Variants in SPECC1L observed in about 807,000 individuals in gnomAD.
SPECC1L encodes the protein sperm antigen with calponin homology and coiled-coil domains 1 like.
Under a neutral mutation model 116.8 loss-of-function variants are expected in SPECC1L, and 40 were observed. That is an observed-to-expected ratio of 0.34 (90% CI 0.27 to 0.45). SPECC1L has a LOEUF of 0.45. Among genes scored for constraint, SPECC1L ranks in the 20% least tolerant of loss-of-function variants. The pLI, the probability that SPECC1L is intolerant of heterozygous loss-of-function variation, is 1.00. For missense variants in SPECC1L, 1,110 were observed against 1,373.6 expected (o/e 0.81, Z 3.03); for synonymous variants, 504 against 500.6 (o/e 1.01, Z -0.09).
intron 14 of SPECC1L, among the ~76,000 whole-genome samples, chr22:24,374,696 G>A (rs1350724323): frequency 6.6e-6 from 1 of 151,274 alleles, no homozygotes; most frequent in Non-Finnish European, 1.5e-5. Flanking sequence ...GATGGGTGCA[G>A]CACACCAACA....
rs372893689 is a variant in SPECC1L, at chr22:24,304,505, T to C, written c.153+2121T>C. On this transcript the variant is annotated intron_variant, in intron 3 of 16. Coordinates refer to ENST00000314328, the MANE Select transcript of SPECC1L (RefSeq NM_015330.6). ...TCTGTCAGGAGCTGTGTCATTGGGCTTGCAGCCTTTGTATGCTTAATTCTC... is the reference window on the plus strand; with the variant it reads ...TCTGTCAGGAGCTGTGTCATTGGGCCTGCAGCCTTTGTATGCTTAATTCTC... 2.6e-5 allele frequency: 4 copies of C among 152,406 alleles called. No homozygotes were observed. In the East Asian group the frequency reaches 7.7e-4, roughly 29 times the overall value. 9.4% of individuals were successfully genotyped at this position (152,406 alleles called of 1,614,324 possible). A position where few individuals can be genotyped will look rare whatever the true frequency, so the allele number is the denominator to read the frequency against.
intron 2 of SPECC1L, among the ~76,000 whole-genome samples, chr22:24,295,131 GT>G (rs1231495524): frequency 6.6e-6 from 1 of 150,806 alleles, no homozygotes; most frequent in African/African-American, 2.5e-5. Context: ...TGTGAACCCT[GT>G]CCTGAGGAGC....
At chr22:24,396,455 G>A (rs548271350) in intron 14 of SPECC1L, among the ~76,000 whole-genome samples, 4 of 151,958 alleles carry the variant, frequency 2.6e-5, no homozygotes, top group East Asian at 1.9e-4. Context: ...CTGCCACCAC[G>A]CCCAGCTAAT....
At chr22:24,314,931 A>G (rs2040531811) in intron 4 of SPECC1L, among the ~76,000 whole-genome samples, 1 of 152,232 alleles carries the variant, frequency 6.6e-6, no homozygotes, top group African/African-American at 2.4e-5. Flanking sequence ...TTCTTCATTC[A>G]GTAACAGGTA....
At chr22:24,398,102 C>G (rs1182513016) in intron 14 of SPECC1L, among the ~76,000 whole-genome samples, 1 of 152,186 alleles carries the variant, frequency 6.6e-6, no homozygotes, top group Non-Finnish European at 1.5e-5. Flanking sequence ...GAGAAAGGGA[C>G]TCAGGAACCA....
chr22:24,309,352 A>G (rs1234682888), intron 3 of SPECC1L, among the ~76,000 whole-genome samples: 1 of 152,218 alleles, frequency 6.6e-6, no homozygotes, highest in African/African-American at 2.4e-5. Flanking sequence ...ATGTATAGAA[A>G]ATAGTTTTAG....
intron 14 of SPECC1L, among the ~76,000 whole-genome samples, chr22:24,385,500 G>A (rs765748746): frequency 1.1e-4 from 17 of 152,154 alleles, no homozygotes; most frequent in Non-Finnish European, 2.2e-4. Flanking sequence ...TAAAAGAGTT[G>A]GAAAAGATGT....
At chr22:24,317,515 G>A (rs1160357150) in intron 4 of SPECC1L, among the ~76,000 whole-genome samples, 5 of 123,714 alleles carry the variant, frequency 4.0e-5, no homozygotes, top group African/African-American at 5.6e-5. Flanking sequence ...CGGACGGGGC[G>A]GCTGGCCAGG....
At chr22:24,406,877 G>C (rs1601363004) in intron 14 of SPECC1L, among the ~76,000 whole-genome samples, 1 of 152,210 alleles carries the variant, frequency 6.6e-6, no homozygotes, top group East Asian at 1.9e-4. Context: ...TTAGCAGTTA[G>C]AGTTTTCAGC....
rs370922766 is a variant in SPECC1L at position 24,334,430 on chromosome 22, G to T, written c.2417G>T (p.Arg806Leu). ...TTCAGGCAAGAGGAGGAGCGAGGCC[G>T]GGTATACAATTACATGAATGCCGTT... ...KSRKQEEERG[R>L]VYNYMNAVER... The change falls in exon 9 of 17, where the codon CGG (arginine) becomes CTG (leucine). Residue 806 changes from arginine (R) to leucine (L), a missense_variant. This residue lies in a region of SPECC1L where 575 missense variants were observed against 682.4 expected (regional missense o/e 0.84). Coordinates refer to ENST00000314328, the MANE Select transcript of SPECC1L (RefSeq NM_015330.6). 1 of 1,614,008 alleles carries T rather than the reference G, an allele frequency of 6.2e-7. No individual in the cohort carries two copies. Among genetic ancestry groups the T allele is most frequent in the Non-Finnish European group, 8.5e-7 (1 of 1,180,030 alleles).
chr22:24,318,512 A>G (rs1203631200), intron 4 of SPECC1L, among the ~76,000 whole-genome samples: 2 of 152,188 alleles, frequency 1.3e-5, no homozygotes, highest in African/African-American at 4.8e-5. Flanking sequence ...GAGACCGTGG[A>G]AAGAGGGGAG....
In SPECC1L at chr22:24,415,471, T is replaced by G. The variant is rs1296353059; in HGVS notation, c.*848T>G. On this transcript the variant is annotated 3_prime_UTR_variant, in exon 17 of 17. Transcript: ENST00000314328. ...ATGCTGGAAAAGGTCGCTCCTGTTC[T>G]GTTAGTACCAAAGTTACATTGTTTC... 6.5e-6 allele frequency: 1 copy of G among 152,706 alleles called. No homozygotes were observed. Among genetic ancestry groups the G allele is most frequent in the East Asian group, 1.9e-4 (1 of 5,206 alleles). 9.5% of individuals were successfully genotyped at this position (152,706 alleles called of 1,614,324 possible).
intron 14 of SPECC1L, among the ~76,000 whole-genome samples, chr22:24,369,959 A>T (rs1389995431): frequency 6.6e-6 from 1 of 152,258 alleles, no homozygotes; most frequent in Non-Finnish European, 1.5e-5. Context: ...AGTATTAGTT[A>T]CAGAGATTCT....
chr22:24,293,079 TAAG>T (rs1420262665), intron 2 of SPECC1L, among the ~76,000 whole-genome samples: 3 of 151,322 alleles, frequency 2.0e-5, no homozygotes, highest in East Asian at 2.0e-4. Context: ...GAAAAAAAAT[TAAG>T]AAGAAAAGGA....
In SPECC1L at chr22:24,369,329, A is replaced by G; in HGVS notation, c.3087+9A>G. ...AAACAGAAGGCTATCAGGTAATCAT[A>G]TGATTCTTTTGTCCCATGTGAGTAA... On this transcript the variant is annotated intron_variant, in intron 14 of 16. Coordinates refer to ENST00000314328, the MANE Select transcript of SPECC1L (RefSeq NM_015330.6). The G allele has an allele frequency of 6.2e-7, 1 of 1,604,840 alleles. No individual in the cohort carries two copies. The highest frequency in any genetic ancestry group is 8.5e-7 in the Non-Finnish European group (1 of 1,171,530).
At chr22:24,317,905 C>G (rs556424306) in intron 4 of SPECC1L, among the ~76,000 whole-genome samples, 1 of 150,516 alleles carries the variant, frequency 6.6e-6, no homozygotes, top group Non-Finnish European at 1.5e-5. Context: ...CAGAGGCGCT[C>G]CCCACATCTC....
intron 11 of SPECC1L, among the ~76,000 whole-genome samples, chr22:24,362,834 T>C (rs1283385275): frequency 6.6e-6 from 1 of 152,240 alleles, no homozygotes; most frequent in African/African-American, 2.4e-5. Flanking sequence ...TCTGTTACTC[T>C]AATTATCCCA....
chr22:24,323,882 T>C (rs2040768286), intron 5 of SPECC1L, among the ~76,000 whole-genome samples: 1 of 152,220 alleles, frequency 6.6e-6, no homozygotes, highest in African/African-American at 2.4e-5. Flanking sequence ...TCATTTTTGT[T>C]AGGACAACAT....
At chr22:24,403,449 A>G (rs1601356557) in intron 14 of SPECC1L, among the ~76,000 whole-genome samples, 1 of 152,260 alleles carries the variant, frequency 6.6e-6, no homozygotes, top group Non-Finnish European at 1.5e-5. Context: ...TTGCCTGTGA[A>G]TAGTGAACAA....
Sources: gnomAD v4.1 joint callset for allele counts (sites outside exome capture counted in the v4.1 genomes callset) on GRCh38, gnomAD v4.1.1 for gene constraint, gnomAD v4.1.1 regional missense constraint, MANE v1.5 for transcripts, NCBI Gene and HGNC (gene_info 2026-07-23, HGNC 2026-07-21) for gene names.